ADGRV1: variants seen among roughly 807,000 people sequenced by gnomAD.
ADGRV1 encodes adhesion G protein-coupled receptor V1, also known as G-protein coupled receptor 98.
Under a neutral mutation model 596.2 loss-of-function variants are expected in ADGRV1, and 359 were observed. The ratio of observed to expected loss-of-function variants is 0.60; its 90% CI spans 0.55 to 0.66. ADGRV1 has a LOEUF of 0.66. Among genes scored for constraint, ADGRV1 ranks in the 30% least tolerant of loss-of-function variants. The pLI is 0.00. For missense variants in ADGRV1, 7,274 were observed against 7,575.6 expected (o/e 0.96, Z 1.48); for synonymous variants, 2,681 against 2,679.2 (o/e 1.00, Z -0.02).
Position 90,653,910 on chromosome 5 carries a change from C to A in ADGRV1, c.4336C>A (p.Pro1446Thr). The A allele has an allele frequency of 6.4e-7, 1 of 1,571,128 alleles. No homozygotes were observed. The highest frequency in any genetic ancestry group is 8.6e-7 in the Non-Finnish European group (1 of 1,157,024). ...IEFYLDGNAM[P>T]RGIKSLKGEA... ...ATTCTACCTGGATGGAAATGCAATG[C>A]CCAGGGGAATCAAGAGTCTGAAAGG... Residue 1446 changes from proline (P) to threonine (T), a missense_variant, in exon 20 of 90, where the codon CCC becomes ACC. This residue lies in a region of ADGRV1 where 38 missense variants were observed against 66.7 expected (regional missense o/e 0.57). Coordinates refer to ENST00000405460, the MANE Select transcript of ADGRV1 (RefSeq NM_032119.4).
intron 42 of ADGRV1, among the ~76,000 whole-genome samples, chr5:90,714,668 GC>G (rs1173217363): frequency 3.3e-5 from 5 of 151,954 alleles, no homozygotes; most frequent in African/African-American, 1.2e-4. Flanking sequence ...CTTCTAAAAT[GC>G]AGAAAATAAT....
At chr5:90,568,406 A>G (rs1298578366) in intron 1 of ADGRV1, among the ~76,000 whole-genome samples, 2 of 152,056 alleles carry the variant, frequency 1.3e-5, no homozygotes, top group Non-Finnish European at 2.9e-5. Context: ...TTTAATTTCA[A>G]CATGTTTGTA....
chr5:91,062,740 C>G (rs187715548), intron 85 of ADGRV1, among the ~76,000 whole-genome samples: 2 of 152,178 alleles, frequency 1.3e-5, no homozygotes, highest in African/African-American at 4.8e-5. Flanking sequence ...TATCACAGAT[C>G]TCTGTTTTTC....
intron 4 of ADGRV1, among the ~76,000 whole-genome samples, chr5:90,620,904 C>A (rs1763980362): frequency 6.6e-6 from 1 of 152,202 alleles, no homozygotes; most frequent in Admixed American, 6.5e-5. Flanking sequence ...GTCATCCCAA[C>A]TCTTAGGTTT....
intron 11 of ADGRV1, chr5:90,640,954 C>T (rs980333227): frequency 6.6e-6 from 1 of 152,556 alleles, no homozygotes; most frequent in South Asian, 2.1e-4. Flanking sequence ...TGCTGTTCTG[C>T]ATGATTACAG....
intron 76 of ADGRV1, among the ~76,000 whole-genome samples, chr5:90,823,869 A>G (rs1763833565): frequency 6.6e-6 from 1 of 152,074 alleles, no homozygotes; most frequent in Non-Finnish European, 1.5e-5. Context: ...TTTTATTTGT[A>G]TTCTTGGTAC....
Position 90,890,173 on chromosome 5 carries a change from C to T in ADGRV1, c.17856+26316C>T, listed in dbSNP as rs1396312632. On this transcript the variant is annotated intron_variant, in intron 83 of 89. Coordinates refer to ENST00000405460, the MANE Select transcript of ADGRV1 (RefSeq NM_032119.4). ...TATTGAAAATAAATCATAAGGGTGACTTTAGTTATTACACAGTGTGAATCT... is the reference window on the plus strand; with the variant it reads ...TATTGAAAATAAATCATAAGGGTGATTTTAGTTATTACACAGTGTGAATCT... 2.0e-5 allele frequency among the ~76,000 whole-genome samples: 3 copies of T among 152,088 alleles called. No homozygotes were observed. The East Asian group carries it at 5.8e-4, about 29-fold the overall frequency.
At chr5:91,120,625 G>A (rs138988553) in intron 87 of ADGRV1, among the ~76,000 whole-genome samples, 77 of 152,220 alleles carry the variant, frequency 5.1e-4, no homozygotes, top group Non-Finnish European at 1.0e-3. Flanking sequence ...GGTGGCCTCA[G>A]GATGATCCAT....
intron 86 of ADGRV1, among the ~76,000 whole-genome samples, chr5:91,087,863 C>T (rs1343752848): frequency 6.6e-6 from 1 of 152,178 alleles, no homozygotes; most frequent in African/African-American, 2.4e-5. Context: ...CTCAAGTAGC[C>T]TGGTTCCAGA....
At chr5:90,663,583 G>A (rs891484706) in intron 21 of ADGRV1, among the ~76,000 whole-genome samples, 1 of 152,144 alleles carries the variant, frequency 6.6e-6, no homozygotes, top group South Asian at 2.1e-4. Flanking sequence ...TCTGATGGTA[G>A]TTTCTTTTGC....
chr5:90,712,485 T>A, intron 42 of ADGRV1, 57 bp downstream of exon 42: 1 of 1,256,516 alleles, frequency 8.0e-7, no homozygotes, highest in Non-Finnish European at 1.1e-6. Flanking sequence ...TTCCTTAATA[T>A]GGGGGAAGAT....
intron 87 of ADGRV1, among the ~76,000 whole-genome samples, chr5:91,120,234 G>A (rs886379450): frequency 1.4e-4 from 21 of 152,168 alleles, no homozygotes; most frequent in African/African-American, 4.3e-4. Flanking sequence ...ATGTGGCTTC[G>A]GTTAAACATT....
intron 87 of ADGRV1, among the ~76,000 whole-genome samples, chr5:91,149,021 G>A (rs1232448692): frequency 1.3e-5 from 2 of 152,218 alleles, no homozygotes; most frequent in Non-Finnish European, 1.5e-5. Flanking sequence ...TTTACCCAAT[G>A]TCTGTATCCC....
intron 85 of ADGRV1, among the ~76,000 whole-genome samples, chr5:91,054,504 A>C (rs1355469622): frequency 6.6e-6 from 1 of 152,188 alleles, no homozygotes; most frequent in African/African-American, 2.4e-5. Context: ...ATAACAAAAT[A>C]CCATAGACCA....
intron 38 of ADGRV1, among the ~76,000 whole-genome samples, chr5:90,707,881 G>A (rs1324349126): frequency 2.0e-5 from 3 of 152,146 alleles, no homozygotes; most frequent in Non-Finnish European, 4.4e-5. Flanking sequence ...AAGCTGCCCT[G>A]GGGAGTGGTA....
chr5:91,149,548 T>C (rs946104389), intron 87 of ADGRV1, among the ~76,000 whole-genome samples: 1 of 152,160 alleles, frequency 6.6e-6, no homozygotes, highest in African/African-American at 2.4e-5. Context: ...TTACCCAGTC[T>C]TGGCTGGGCA....
intron 84 of ADGRV1, among the ~76,000 whole-genome samples, chr5:90,969,773 T>C (rs903255086): frequency 6.6e-6 from 1 of 152,154 alleles, no homozygotes; most frequent in Non-Finnish European, 1.5e-5. Context: ...TAGGAATAGC[T>C]CCAGTCTACA....
chr5:90,929,931 T>C (rs1043861018), intron 83 of ADGRV1, among the ~76,000 whole-genome samples: 4 of 152,326 alleles, frequency 2.6e-5, no homozygotes, highest in Non-Finnish European at 5.9e-5. Context: ...AGTTTCCATT[T>C]CTGCTTGTAT....
chr5:90,791,996 G>A (rs905055598), intron 70 of ADGRV1: 1 of 152,148 alleles, frequency 6.6e-6, no homozygotes, highest in South Asian at 2.1e-4. Flanking sequence ...CCCAAGGATG[G>A]TACATGTCAT....
Sources: allele counts gnomAD v4.1 joint callset (sites outside exome capture counted in the v4.1 genomes callset), GRCh38; gene constraint gnomAD v4.1.1; regional missense constraint gnomAD v4.1.1; transcripts MANE v1.5; gene names NCBI Gene and HGNC (gene_info 2026-07-23, HGNC 2026-07-21).